The following STRBP variants were observed in gnomAD, a reference collection of about 807,000 sequenced individuals.
The protein encoded by STRBP is spermatid perinuclear RNA-binding protein.
Under a neutral mutation model 80.1 loss-of-function variants are expected in STRBP, and 13 were observed. That is an observed-to-expected ratio of 0.16 (90% confidence interval 0.11 to 0.26). STRBP has a LOEUF of 0.26. Ranked by LOEUF, STRBP falls within the 10% of genes least tolerant of loss-of-function variation. The pLI is 1.00. For missense variants in STRBP, 485 were observed against 815.2 expected, an observed-to-expected ratio of 0.59 and a Z score of 4.93; for synonymous variants, 284 against 291.2, an observed-to-expected ratio of 0.98 and a Z score of 0.25.
chr9:123,168,191 G>C (rs527562392), intron 6 of STRBP: 1 of 978,602 alleles, frequency 1.0e-6, no homozygotes, highest in Middle Eastern at 5.3e-4. Context: ...CATCTTACCA[G>C]AATTAACATT....
chr9:123,132,757 C>T (rs2036190888), intron 17 of STRBP, 88 bp downstream of exon 17: 3 of 1,527,958 alleles, frequency 2.0e-6, no homozygotes, highest in Non-Finnish European at 8.9e-7. Context: ...TTCCACAAAC[C>T]CTGTACAACC....
intron 13 of STRBP, 61 bp downstream of exon 13, chr9:123,146,794 A>G: frequency 7.3e-7 from 1 of 1,371,798 alleles, no homozygotes; most frequent in Admixed American, 2.0e-5. Flanking sequence ...TTATAGGAAA[A>G]TAAGCATATT....
intron 2 of STRBP, among the ~76,000 whole-genome samples, chr9:123,189,353 C>G (rs1368022484): frequency 6.7e-6 from 1 of 149,954 alleles, no homozygotes; most frequent in Non-Finnish European, 1.5e-5. Context: ...GGAGATATAC[C>G]TAATGTTAAA....
chr9:123,132,995 T>C, intron 16 of STRBP, 27 bp from the exon 17 acceptor site: 1 of 1,606,518 alleles, frequency 6.2e-7, no homozygotes, highest in Non-Finnish European at 8.5e-7. Context: ...TTTTCATTAC[T>C]GAAAGAAATA....
At chr9:123,117,223 G>A (rs183175664), downstream of STRBP, among the ~76,000 whole-genome samples, 1 of 152,282 alleles carries the variant, frequency 6.6e-6, no homozygotes, top group African/African-American at 2.4e-5. Flanking sequence ...GGGATTCAAA[G>A]GTTCCTTTTT....
At chr9:123,259,989 G>A (rs1336770247) in intron 1 of STRBP, among the ~76,000 whole-genome samples, 2 of 152,216 alleles carry the variant, frequency 1.3e-5, no homozygotes, top group East Asian at 3.8e-4. Flanking sequence ...TCTCACTAGA[G>A]TGGTTTCCGG....
chr9:123,184,104 A>G (rs751625216), intron 3 of STRBP, 28 bp downstream of exon 3: 1 of 1,596,606 alleles, frequency 6.3e-7, no homozygotes, highest in Admixed American at 1.7e-5. Context: ...TTTGTAACTA[A>G]ATTATGAAAA....
At chr9:123,152,921 T>C (rs1427528102) in intron 11 of STRBP, among the ~76,000 whole-genome samples, 2 of 152,202 alleles carry the variant, frequency 1.3e-5, no homozygotes, top group Admixed American at 1.3e-4. Flanking sequence ...TAAATTTACA[T>C]AGATGCAGCC....
chr9:123,112,081 TC>T, intron 3 of STRBP: 1 of 169,518 alleles, frequency 5.9e-6, no homozygotes. Context: ...CTCCCGCCTT[TC>T]CCCACACCTG....
chr9:123,163,710 A>G (rs903635313), intron 6 of STRBP, among the ~76,000 whole-genome samples: 4 of 152,208 alleles, frequency 2.6e-5, no homozygotes, highest in Admixed American at 6.5e-5. Context: ...TTAATAATAT[A>G]CAGTTTTATG....
At chr9:123,164,393 A>G (rs1190365021) in intron 6 of STRBP, among the ~76,000 whole-genome samples, 1 of 152,154 alleles carries the variant, frequency 6.6e-6, no homozygotes, top group South Asian at 2.1e-4. Flanking sequence ...ACCTAGCATC[A>G]GGGCATGAAG....
At chr9:123,147,338 C>T (rs1241630172) in intron 12 of STRBP, among the ~76,000 whole-genome samples, 1 of 152,090 alleles carries the variant, frequency 6.6e-6, no homozygotes, top group Non-Finnish European at 1.5e-5. Context: ...ATCAATTGCT[C>T]AGTTAAGATC....
intron 3 of STRBP, chr9:123,113,416 T>G (rs553533367): frequency 1.9e-4 from 31 of 167,372 alleles, no homozygotes; most frequent in African/African-American, 7.5e-4. Context: ...AACTGCAGCC[T>G]CCTCGTCTAA....
chr9:123,254,001 C>A (rs971779151), intron 1 of STRBP, among the ~76,000 whole-genome samples: 1 of 151,992 alleles, frequency 6.6e-6, no homozygotes, highest in Non-Finnish European at 1.5e-5. Context: ...TAAACTGAAT[C>A]GTTCAGTTTA....
rs971489569 is a variant in STRBP, at chr9:123,123,267, T to A, written c.*2330A>T. On this transcript the variant is annotated 3_prime_UTR_variant, in exon 19 of 19. Coordinates refer to ENST00000348403, the MANE Select transcript of STRBP (RefSeq NM_018387.5). ...AAACTTCATGTTAATCTCAGGCAAT[T>A]TGGTGAAGCCAAGAGCTTCATTTAT... The A allele has an allele frequency of 1.0e-6, 1 of 985,350 alleles. No individual in the cohort carries two copies. Among genetic ancestry groups the A allele is most frequent in the Non-Finnish European group, 1.2e-6 (1 of 829,914 alleles). The allele number at this position is 985,350 out of a possible 1,614,324, so 61.0% of individuals were successfully genotyped here. A position where few individuals can be genotyped will look rare whatever the true frequency, so the allele number is the denominator to read the frequency against.
At chr9:123,256,484 T>G (rs937548518) in intron 1 of STRBP, among the ~76,000 whole-genome samples, 3 of 152,206 alleles carry the variant, frequency 2.0e-5, no homozygotes, top group Non-Finnish European at 4.4e-5. Flanking sequence ...AATTGATATA[T>G]ACAACGGTTA....
At chr9:123,232,705 G>A (rs1256037408) in intron 2 of STRBP, among the ~76,000 whole-genome samples, 1 of 152,128 alleles carries the variant, frequency 6.6e-6, no homozygotes, top group Non-Finnish European at 1.5e-5. Context: ...ACTAAAAAGA[G>A]AAAAAAGTAC....
intron 2 of STRBP, among the ~76,000 whole-genome samples, chr9:123,227,229 G>A (rs2040264077): frequency 6.6e-6 from 1 of 152,238 alleles, no homozygotes; most frequent in Non-Finnish European, 1.5e-5. Context: ...AATCCAGAAT[G>A]TAGGAGGAGC....
At chr9:123,120,590 C>A (rs1264707655), downstream of STRBP, among the ~76,000 whole-genome samples, 2 of 150,796 alleles carry the variant, frequency 1.3e-5, no homozygotes, top group African/African-American at 4.9e-5. Flanking sequence ...TTAATGAAAT[C>A]TAGGAAACAG....
Sources: gnomAD v4.1 joint callset for allele counts (sites outside exome capture counted in the v4.1 genomes callset) on GRCh38, gnomAD v4.1.1 for gene constraint, MANE v1.5 for transcripts, NCBI Gene and HGNC (gene_info 2026-07-23, HGNC 2026-07-21) for gene names.